The following MAML3 variants were observed in gnomAD, a reference collection of about 807,000 sequenced individuals.
MAML3 encodes the protein mastermind-like protein 3.
In MAML3, 27 loss-of-function variants were observed where a neutral mutation model predicts 101.9. The observed-to-expected ratio is 0.27, with a 90% CI of 0.20 to 0.37. The LOEUF is 0.37. MAML3 is among the 10% of genes least tolerant of loss of function. The pLI is 1.00. For synonymous variants in MAML3, 501 were observed against 555.9 expected (o/e 0.90, Z 1.39); for missense variants, 1,316 against 1,444.9 (o/e 0.91, Z 1.45).
intron 2 of MAML3, among the ~76,000 whole-genome samples, chr4:139,758,443 G>A (rs147061111): frequency 6.6e-6 from 1 of 152,116 alleles, no homozygotes; most frequent in African/African-American, 2.4e-5. Context: ...TTATCGATCT[G>A]TGTGTGCAGA....
intron 1 of MAML3, among the ~76,000 whole-genome samples, chr4:139,913,144 C>T (rs1361221828): frequency 6.6e-6 from 1 of 152,104 alleles, no homozygotes; most frequent in African/African-American, 2.4e-5. Context: ...CTTTTCCAGG[C>T]ATAAATGAGG....
intron 1 of MAML3, among the ~76,000 whole-genome samples, chr4:140,011,480 G>A (rs2110860968): frequency 6.7e-6 from 1 of 148,778 alleles, no homozygotes; most frequent in African/African-American, 2.4e-5. Context: ...GAGTAGCTGG[G>A]ACTACAGGCG....
chr4:140,055,247 A>G (rs979978610), intron 1 of MAML3, among the ~76,000 whole-genome samples: 2 of 152,214 alleles, frequency 1.3e-5, no homozygotes, highest in African/African-American at 4.8e-5. Flanking sequence ...ATAAAAAAAA[A>G]CCTACTTCTT....
At chr4:139,860,785 CT>C (rs1731764515) in intron 2 of MAML3, among the ~76,000 whole-genome samples, 1 of 152,110 alleles carries the variant, frequency 6.6e-6, no homozygotes, top group Admixed American at 6.5e-5. Context: ...AGTAAAAACA[CT>C]GAGTTTGTTC....
At chr4:140,111,188 A>G (rs1318168462) in intron 1 of MAML3, among the ~76,000 whole-genome samples, 1 of 152,232 alleles carries the variant, frequency 6.6e-6, no homozygotes, top group Admixed American at 6.5e-5. Flanking sequence ...GGAAAGCCTG[A>G]TTAGCCAAAG....
intron 1 of MAML3, among the ~76,000 whole-genome samples, chr4:140,001,512 G>A (rs924700470): frequency 6.6e-6 from 1 of 152,188 alleles, no homozygotes; most frequent in Non-Finnish European, 1.5e-5. Flanking sequence ...AAGACACCGA[G>A]CTGGCCCTGT....
chr4:140,076,294 A>T (rs2110961744), intron 1 of MAML3, among the ~76,000 whole-genome samples: 1 of 152,344 alleles, frequency 6.6e-6, no homozygotes, highest in Middle Eastern at 3.4e-3. Context: ...ATGCTCCCTT[A>T]GATATTTTCT....
intron 2 of MAML3, 163 bp downstream of exon 2, chr4:139,889,194 G>T: frequency 1.5e-6 from 2 of 1,339,894 alleles, no homozygotes; most frequent in Non-Finnish European, 2.1e-6. Context: ...TAGGAGAAAT[G>T]GAAAAAGAAC....
chr4:139,898,049 T>C (rs1467126807), intron 1 of MAML3, among the ~76,000 whole-genome samples: 1 of 152,190 alleles, frequency 6.6e-6, no homozygotes, highest in Non-Finnish European at 1.5e-5. Context: ...TACTCCACAG[T>C]CTCTCTTGAC....
At chr4:139,905,100 A>G (rs11932334) in intron 1 of MAML3, among the ~76,000 whole-genome samples, 1,728 of 152,350 alleles carry the variant, frequency 0.011, 41 homozygotes, top group African/African-American at 0.039. Context: ...AGACCTGTGT[A>G]CCATGGTAAG....
intron 2 of MAML3, among the ~76,000 whole-genome samples, chr4:139,787,674 C>T (rs1040447852): frequency 6.6e-5 from 10 of 152,194 alleles, no homozygotes; most frequent in Admixed American, 1.3e-4. Flanking sequence ...TAAATTGCTG[C>T]TGCACACCAG....
intron 1 of MAML3, among the ~76,000 whole-genome samples, chr4:139,901,923 G>A (rs796516428): frequency 2.6e-5 from 4 of 152,256 alleles, no homozygotes; most frequent in African/African-American, 9.6e-5. Flanking sequence ...CCAAAAGACT[G>A]TTTTCCTCAA....
Position 140,153,532 on chromosome 4 carries a change from A to C in MAML3, c.-205T>G. 1.8e-6 allele frequency: 1 copy of C among 549,008 alleles called. No homozygotes were observed. Among genetic ancestry groups the C allele is most frequent in the East Asian group, 3.2e-5 (1 of 31,544 alleles). The allele number at this position is 549,008 out of a possible 1,614,324, so 34.0% of individuals were successfully genotyped here. A position where few individuals can be genotyped will look rare whatever the true frequency, so the allele number is the denominator to read the frequency against. On this transcript the variant is annotated 5_prime_UTR_variant, in exon 1 of 5. Transcript: ENST00000509479. The stretch of plus-strand genomic sequence containing the variant: ...TTTGTTTCCTTTTTTTAAACTGTAA[A>C]AGCTCAAGGGGAAGAAAAGGGGGGA...
chr4:139,739,211 G>T (rs967569889), intron 2 of MAML3, among the ~76,000 whole-genome samples: 6 of 152,164 alleles, frequency 3.9e-5, no homozygotes, highest in African/African-American at 9.7e-5. Context: ...CAGCTTCTCC[G>T]AGCTCCTGAG....
At chr4:140,014,012 T>C (rs985278324) in intron 1 of MAML3, among the ~76,000 whole-genome samples, 1 of 152,240 alleles carries the variant, frequency 6.6e-6, no homozygotes, top group African/African-American at 2.4e-5. Flanking sequence ...TTCAGTGGTA[T>C]GGGCAAAGCC....
rs925061104 is a variant in MAML3 at position 140,046,216 on chromosome 4, A to G, written c.468+106644T>C. 3.9e-5 allele frequency among the ~76,000 whole-genome samples: 6 copies of G among 152,168 alleles called. No individual in the cohort carries two copies. In the East Asian group the frequency reaches 1.2e-3, roughly 29 times the overall value. On this transcript the variant is annotated intron_variant, in intron 1 of 4. Transcript: ENST00000509479. ...TGATGGGGACCATTTCTGGGCAGGGACATTAAATTGCTGATGTTAGACCCT... is the reference window on the plus strand; with the variant it reads ...TGATGGGGACCATTTCTGGGCAGGGGCATTAAATTGCTGATGTTAGACCCT...
At chr4:140,050,211 C>T (rs1289312394) in intron 1 of MAML3, among the ~76,000 whole-genome samples, 2 of 152,104 alleles carry the variant, frequency 1.3e-5, no homozygotes, top group East Asian at 1.9e-4. Context: ...TAGGTCTTCC[C>T]GCCAAACTTT....
chr4:139,777,527 A>T (rs1162877937), intron 2 of MAML3, among the ~76,000 whole-genome samples: 2 of 152,228 alleles, frequency 1.3e-5, no homozygotes, highest in African/African-American at 4.8e-5. Context: ...GCTTTAAAAC[A>T]TTTATATTTA....
intron 1 of MAML3, among the ~76,000 whole-genome samples, chr4:140,061,133 T>C (rs144165008): frequency 6.6e-6 from 1 of 152,246 alleles, no homozygotes; most frequent in African/African-American, 2.4e-5. Flanking sequence ...TCTACTCATC[T>C]TCCCTTTATT....
Sources: gnomAD v4.1 joint callset for allele counts (sites outside exome capture counted in the v4.1 genomes callset) on GRCh38, gnomAD v4.1.1 for gene constraint, MANE v1.5 for transcripts, NCBI Gene and HGNC (gene_info 2026-07-23, HGNC 2026-07-21) for gene names.